The following DCHS2 variants were observed in gnomAD, a reference collection of about 807,000 sequenced individuals.
The protein encoded by DCHS2 is dachsous cadherin-related 2.
Under a neutral mutation model 182.4 loss-of-function variants are expected in DCHS2, and 142 were observed. The ratio of observed to expected loss-of-function variants is 0.78; its 90% CI spans 0.68 to 0.89. The LOEUF is 0.89. DCHS2 is among the 40% of genes least tolerant of loss of function. The pLI is 0.00. For missense variants in DCHS2, 4,319 were observed against 4,198.6 expected, an observed-to-expected ratio of 1.03 and a Z score of -0.79; for synonymous variants, 1,740 against 1,663.3, an observed-to-expected ratio of 1.05 and a Z score of -1.12.
chr4:154,399,057 A>G (rs1005317381), intron 1 of DCHS2, among the ~76,000 whole-genome samples: 2 of 152,214 alleles, frequency 1.3e-5, no homozygotes, highest in African/African-American at 4.8e-5. Flanking sequence ...CCTCCAAAAA[A>G]CATCATCTTA....
chr4:154,390,111 A>T (rs4696560), intron 1 of DCHS2, among the ~76,000 whole-genome samples: 8 of 148,156 alleles, frequency 5.4e-5, no homozygotes, highest in Non-Finnish European at 7.5e-5. Context: ...AAATTTTTTT[A>T]TTTTTTTTCT....
Position 154,490,164 on chromosome 4 carries a change from G to T in DCHS2, c.1192C>A (p.Arg398Ser), listed in dbSNP as rs1728750199. 1.7e-5 allele frequency: 26 copies of T among 1,549,360 alleles called. No individual in the cohort carries two copies. Among genetic ancestry groups the T allele is most frequent in the East Asian group, 2.4e-5 (1 of 40,864 alleles). The change falls in exon 1 of 20, where the codon CGC becomes AGC. Residue 398 changes from arginine to serine, a missense_variant. By Grantham distance (110) the Arg-to-Ser change is moderately radical (BLOSUM62 -1). Transcript: ENST00000357232. ...GGAEPEVATV[R>S]VSIAVLDVND... Reference sequence around the variant, plus strand: ...ACGTCCAGCACGGCGATGGACACGCGCACCGTGGCAACCTCAGGCTCGGCG... The same window carrying T: ...ACGTCCAGCACGGCGATGGACACGCTCACCGTGGCAACCTCAGGCTCGGCG...
intron 1 of DCHS2, among the ~76,000 whole-genome samples, chr4:154,439,919 C>T (rs1733930214): frequency 6.6e-6 from 1 of 152,078 alleles, no homozygotes; most frequent in South Asian, 2.1e-4. Flanking sequence ...CTGAGGTTTG[C>T]CACATTGTAA....
chr4:154,312,676 A>T (rs1161426523), intron 10 of DCHS2, among the ~76,000 whole-genome samples: 1 of 152,248 alleles, frequency 6.6e-6, no homozygotes, highest in African/African-American at 2.4e-5. Flanking sequence ...CACTCCATAA[A>T]GAAACATTTA....
At chr4:154,257,500 G>A (rs987127706) in intron 15 of DCHS2, among the ~76,000 whole-genome samples, 5 of 152,190 alleles carry the variant, frequency 3.3e-5, no homozygotes, top group African/African-American at 1.2e-4. Context: ...ATTTCAGGGA[G>A]AGAAAGTCTG....
intron 13 of DCHS2, among the ~76,000 whole-genome samples, chr4:154,280,629 A>T (rs1237303601): frequency 2.0e-5 from 3 of 152,164 alleles, no homozygotes; most frequent in Non-Finnish European, 2.9e-5. Flanking sequence ...AAATTACATG[A>T]TCATCTCAGT....
intron 1 of DCHS2, among the ~76,000 whole-genome samples, chr4:154,442,318 A>G (rs1199558600): frequency 1.3e-5 from 2 of 152,010 alleles, no homozygotes. Flanking sequence ...CTCAATTCCC[A>G]TAAAAATGTA....
intron 1 of DCHS2, among the ~76,000 whole-genome samples, chr4:154,423,343 T>G (rs2110918880): frequency 6.6e-6 from 1 of 152,362 alleles, no homozygotes; most frequent in Non-Finnish European, 1.5e-5. Context: ...TAGAACATAA[T>G]GTTTTCAATG....
At chr4:154,390,673 C>T (rs1328842767) in intron 1 of DCHS2, among the ~76,000 whole-genome samples, 1 of 151,892 alleles carries the variant, frequency 6.6e-6, no homozygotes, top group African/African-American at 2.4e-5. Flanking sequence ...TTAGCATTAA[C>T]AGTGTTAGTA....
chr4:154,396,417 T>A (rs927439226), intron 1 of DCHS2, among the ~76,000 whole-genome samples: 2 of 152,136 alleles, frequency 1.3e-5, no homozygotes, highest in Non-Finnish European at 2.9e-5. Flanking sequence ...GGGTGGAGTA[T>A]GAATAAGCCC....
chr4:154,366,081 A>G, intron 3 of DCHS2, 129 bp downstream of exon 3: 1 of 670,222 alleles, frequency 1.5e-6, no homozygotes. Flanking sequence ...AGCATCTGCT[A>G]GAAGGTTAAG....
intron 1 of DCHS2, among the ~76,000 whole-genome samples, chr4:154,380,373 A>C (rs1731114671): frequency 6.6e-6 from 1 of 152,170 alleles, no homozygotes; most frequent in Admixed American, 6.5e-5. Context: ...CCCACTACAA[A>C]GAACTAAACT....
At chr4:154,297,631 C>T (rs932283038) in intron 13 of DCHS2, among the ~76,000 whole-genome samples, 1 of 152,156 alleles carries the variant, frequency 6.6e-6, no homozygotes, top group African/African-American at 2.4e-5. Context: ...GAGGGCCCTC[C>T]TTTAGAGGTC....
Position 154,357,433 on chromosome 4 carries a change from T to A in DCHS2, c.2476+8777A>T, listed in dbSNP as rs1369003745. ...CATAGTCCAGGACACGTAGCACTCT[T>A]GTGCAAATAATTCACAATCTTTCTG... On this transcript the variant is annotated intron_variant, in intron 3 of 19. Coordinates refer to ENST00000357232, the MANE Select transcript of DCHS2 (RefSeq NM_001358235.2). 3 of 670,098 alleles carry A rather than the reference T, an allele frequency of 4.5e-6. No homozygotes were observed. The South Asian group carries it at 5.3e-5, about 12-fold the overall frequency. 41.5% of individuals were successfully genotyped at this position (670,098 alleles called of 1,614,324 possible).
Position 154,490,519 on chromosome 4 carries a change from G to A in DCHS2, c.837C>T (p.Leu279=), listed in dbSNP as rs1288744372. 1 of 1,537,912 alleles carries A rather than the reference G, an allele frequency of 6.5e-7. No individual in the cohort carries two copies. Among genetic ancestry groups the A allele is most frequent in the Non-Finnish European group, 8.7e-7 (1 of 1,146,380 alleles). Residue 279 remains leucine (L), a synonymous_variant, in exon 1 of 20, where the codon CTC becomes CTT. Coordinates refer to ENST00000357232, the MANE Select transcript of DCHS2 (RefSeq NM_001358235.2). The part of the protein sequence containing the change: ...WDGGRPRRTG[L]LSVELRVLDE... ...CCAGCACGCGCAGCTCCACGCTCAG[G>A]AGGCCGGTGCGCCGGGGTCGGCCGC...
intron 16 of DCHS2, among the ~76,000 whole-genome samples, chr4:154,252,806 C>T (rs958448616): frequency 6.6e-6 from 1 of 151,882 alleles, no homozygotes; most frequent in Non-Finnish European, 1.5e-5. Context: ...ATAGTGATTT[C>T]TTTTTAGTGG....
intron 13 of DCHS2, among the ~76,000 whole-genome samples, chr4:154,272,439 A>G (rs138840005): frequency 2.4e-4 from 36 of 152,272 alleles, no homozygotes; most frequent in Non-Finnish European, 1.5e-5. Context: ...TCAAATTGTA[A>G]TCCTCATAAT....
intron 1 of DCHS2, among the ~76,000 whole-genome samples, chr4:154,446,927 T>C (rs1180470029): frequency 6.6e-6 from 1 of 151,532 alleles, no homozygotes; most frequent in Non-Finnish European, 1.5e-5. Flanking sequence ...GAGGAAGGTG[T>C]ATAGAACTAC....
At chr4:154,285,710 A>C (rs1014203628) in intron 13 of DCHS2, among the ~76,000 whole-genome samples, 1 of 152,164 alleles carries the variant, frequency 6.6e-6, no homozygotes, top group African/African-American at 2.4e-5. Flanking sequence ...GTGCCAGCTC[A>C]GTTGCAGTAG....
Sources: allele counts gnomAD v4.1 joint callset (sites outside exome capture counted in the v4.1 genomes callset), GRCh38; gene constraint gnomAD v4.1.1; transcripts MANE v1.5; gene names NCBI Gene and HGNC (gene_info 2026-07-23, HGNC 2026-07-21).